Variants in CNBD2 observed in about 807,000 individuals in gnomAD.
CNBD2 encodes cyclic nucleotide-binding domain-containing protein 2.
In CNBD2, 64 loss-of-function variants were observed where a neutral mutation model predicts 63.7. That is an observed-to-expected ratio of 1.00 (90% CI 0.82 to 1.24). The LOEUF (loss-of-function observed/expected upper bound fraction) is 1.24. Ranked by LOEUF, CNBD2 falls within the 50% of genes most tolerant of loss-of-function variation. The pLI is 0.00. For missense variants in CNBD2, 691 were observed against 713.5 expected (o/e 0.97, Z 0.36); for synonymous variants, 229 against 255.4 (o/e 0.90, Z 0.99).
chr20:35,980,404 G>C, intron 3 of CNBD2, 55 bp from the exon 4 acceptor site: 2 of 1,562,662 alleles, frequency 1.3e-6, no homozygotes, highest in Non-Finnish European at 1.8e-6. Flanking sequence ...GTTGCCCGCT[G>C]GCCCATGGGT....
At chr20:36,009,081 T>G (rs1298304014) in intron 9 of CNBD2, among the ~76,000 whole-genome samples, 1 of 152,156 alleles carries the variant, frequency 6.6e-6, no homozygotes, top group Non-Finnish European at 1.5e-5. Context: ...CCTGTAATCC[T>G]AGCTACTCAG....
At chr20:35,983,885 T>C in intron 4 of CNBD2, 97 bp from the exon 5 acceptor site, 3 of 1,424,834 alleles carry the variant, frequency 2.1e-6, no homozygotes, top group South Asian at 1.2e-5. Context: ...TGTGCTCTTA[T>C]ATCCCAAAGC....
chr20:35,961,820 C>T (rs148909802), intron 2 of CNBD2, among the ~76,000 whole-genome samples: 2,047 of 152,270 alleles, frequency 0.013, 22 homozygotes, highest in South Asian at 0.046. Flanking sequence ...GCCCTCTCCT[C>T]TTCCGATCAG....
downstream of CNBD2, among the ~76,000 whole-genome samples, chr20:35,958,606 T>G (rs1169357199): frequency 6.6e-6 from 1 of 152,156 alleles, no homozygotes; most frequent in Non-Finnish European, 1.5e-5. Flanking sequence ...TCCACAGACT[T>G]TATTCACATT....
intron 4 of CNBD2, among the ~76,000 whole-genome samples, 170 bp from the exon 5 acceptor site, chr20:35,983,812 A>G (rs150209540): frequency 6.6e-6 from 1 of 152,344 alleles, no homozygotes; most frequent in Non-Finnish European, 1.5e-5. Flanking sequence ...GATAGGTGTT[A>G]GTGAAAGGCT....
chr20:36,030,687 G>T lies in CNBD2; in HGVS notation c.*39G>T. On this transcript the variant is annotated 3_prime_UTR_variant, in exon 12 of 12. Coordinates refer to ENST00000373973, the MANE Select transcript of CNBD2 (RefSeq NM_001365709.1). ...GGGTCCTTATTTAGGACAAATAAAGGATGGTGGATTGGGCGCTGTGCTTTC... is the reference window on the plus strand; with the variant it reads ...GGGTCCTTATTTAGGACAAATAAAGTATGGTGGATTGGGCGCTGTGCTTTC... 6.2e-7 allele frequency: 1 copy of T among 1,603,844 alleles called. No individual in the cohort carries two copies. Among genetic ancestry groups the T allele is most frequent in the Non-Finnish European group, 8.5e-7 (1 of 1,172,076 alleles).
At chr20:36,026,877 T>G (rs977015404) in intron 11 of CNBD2, among the ~76,000 whole-genome samples, 3 of 152,248 alleles carry the variant, frequency 2.0e-5, no homozygotes, top group African/African-American at 7.2e-5. Flanking sequence ...CACAGCTCTT[T>G]CCCTTCCACC....
chr20:36,019,007 G>A (rs1331128809), intron 10 of CNBD2, among the ~76,000 whole-genome samples: 1 of 152,204 alleles, frequency 6.6e-6, no homozygotes, highest in Non-Finnish European at 1.5e-5. Flanking sequence ...ATGGAACAAA[G>A]TGCCATTGTG....
intron 2 of CNBD2, among the ~76,000 whole-genome samples, chr20:35,960,466 A>G (rs1490704763): frequency 6.6e-6 from 1 of 152,188 alleles, no homozygotes; most frequent in Non-Finnish European, 1.5e-5. Context: ...CAGCTTTGTG[A>G]GTAGCTGGGA....
intron 1 of CNBD2, among the ~76,000 whole-genome samples, chr20:35,972,301 C>T (rs1466097127): frequency 2.0e-5 from 3 of 152,120 alleles, no homozygotes; most frequent in Non-Finnish European, 2.9e-5. Context: ...TGCAATTAGT[C>T]GTGCCACTTA....
chr20:35,994,170 A>T (rs1221291289), intron 7 of CNBD2, among the ~76,000 whole-genome samples: 1 of 151,922 alleles, frequency 6.6e-6, no homozygotes, highest in Non-Finnish European at 1.5e-5. Flanking sequence ...GGTTCAAGCG[A>T]TTCTCCTGCC....
At chr20:35,977,401 A>G (rs1050991841) in intron 3 of CNBD2, among the ~76,000 whole-genome samples, 9 of 152,178 alleles carry the variant, frequency 5.9e-5, no homozygotes, top group Admixed American at 1.3e-4. Flanking sequence ...CAGATGTGCT[A>G]GCTCACGCTT....
chr20:35,989,866 G>GAGAGA, intron 7 of CNBD2, among the ~76,000 whole-genome samples: 1 of 121,724 alleles, frequency 8.2e-6, no homozygotes, highest in African/African-American at 3.3e-5. Flanking sequence ...GATGAGAGAG[G>GAGAGA]GAGAGAGAGA....
intron 3 of CNBD2, among the ~76,000 whole-genome samples, chr20:35,977,545 G>A (rs1029520750): frequency 1.3e-5 from 2 of 152,146 alleles, no homozygotes; most frequent in African/African-American, 2.4e-5. Context: ...AGGCACGGTG[G>A]CTCACACCTG....
At chr20:36,005,574 G>A (rs1475927072) in intron 8 of CNBD2, among the ~76,000 whole-genome samples, 3 of 152,078 alleles carry the variant, frequency 2.0e-5, no homozygotes, top group East Asian at 1.9e-4. Flanking sequence ...GTGCCTTTCC[G>A]AAAGATCAAA....
intron 8 of CNBD2, among the ~76,000 whole-genome samples, chr20:35,996,343 G>C (rs997223652): frequency 1.7e-4 from 26 of 152,174 alleles, no homozygotes; most frequent in African/African-American, 5.5e-4. Context: ...GTGTGGTTTG[G>C]ACACATCCTA....
chr20:35,980,773 T>C, intron 4 of CNBD2, 151 bp downstream of exon 4: 1 of 667,154 alleles, frequency 1.5e-6, no homozygotes, highest in Middle Eastern at 4.2e-4. Context: ...CTCCCACTGC[T>C]ATGGTCGCAG....
chr20:36,011,295 T>C lies in CNBD2; in HGVS notation c.1269+38T>C. The C allele has an allele frequency of 1.4e-6, 2 of 1,467,950 alleles. 1 individual carries two copies. The highest frequency in any genetic ancestry group is 2.9e-5 in the South Asian group (2 of 68,318). The allele number at this position is 1,467,950 out of a possible 1,614,324, so 90.9% of individuals were successfully genotyped here. A position where few individuals can be genotyped will look rare whatever the true frequency, so the allele number is the denominator to read the frequency against. On this transcript the variant is annotated intron_variant, in intron 10 of 11. Coordinates refer to ENST00000373973, the MANE Select transcript of CNBD2 (RefSeq NM_001365709.1). ...AGAGCTCTGTTCACCATGGAGTACG[T>C]AACATGAATGGGCTGGAATGTTAAG...
At chr20:35,984,812 T>C in intron 6 of CNBD2, 34 bp downstream of exon 6, 2 of 1,610,436 alleles carry the variant, frequency 1.2e-6, no homozygotes, top group South Asian at 2.2e-5. Context: ...TTTTTTCCCC[T>C]TGTGTGTTTA....
Sources: allele counts gnomAD v4.1 joint callset (sites outside exome capture counted in the v4.1 genomes callset), GRCh38; gene constraint gnomAD v4.1.1; transcripts MANE v1.5; gene names NCBI Gene and HGNC (gene_info 2026-07-23, HGNC 2026-07-21).